Variants in DPYD observed in about 807,000 individuals in gnomAD.
DPYD encodes the protein dihydropyrimidine dehydrogenase [NADP(+)].
In DPYD, 109 loss-of-function variants were observed where a neutral mutation model predicts 116.2. That is an observed-to-expected ratio of 0.94 (90% CI 0.80 to 1.10). The LOEUF (loss-of-function observed/expected upper bound fraction) is 1.10. DPYD is among the 50% of genes least tolerant of loss of function. The pLI, the probability that DPYD is intolerant of heterozygous loss-of-function variation, is 0.00. For missense variants in DPYD, 1,302 were observed against 1,254.5 expected (o/e 1.04, Z -0.57); for synonymous variants, 440 against 432.0 (o/e 1.02, Z -0.23).
intron 2 of DPYD, among the ~76,000 whole-genome samples, chr1:97,878,159 T>C (rs1672016511): frequency 6.6e-6 from 1 of 151,936 alleles, no homozygotes; most frequent in Non-Finnish European, 1.5e-5. Flanking sequence ...TTCAGTACCA[T>C]GCTGAGCCAC....
At chr1:97,128,431 T>C (rs1653017582) in intron 20 of DPYD, among the ~76,000 whole-genome samples, 1 of 152,186 alleles carries the variant, frequency 6.6e-6, no homozygotes, top group South Asian at 2.1e-4. Context: ...TGAGTGTGGT[T>C]AGAGTTATCC....
chr1:97,381,858 A>G (rs1443255045), intron 15 of DPYD, among the ~76,000 whole-genome samples: 1 of 152,212 alleles, frequency 6.6e-6, no homozygotes, highest in African/African-American at 2.4e-5. Context: ...GCAGGATTCA[A>G]TTTATATTAT....
chr1:97,475,593 A>G (rs999509024), intron 13 of DPYD, among the ~76,000 whole-genome samples: 3 of 152,198 alleles, frequency 2.0e-5, no homozygotes, highest in Non-Finnish European at 4.4e-5. Flanking sequence ...TTTTATTTGT[A>G]AAGAGCCATT....
chr1:97,346,684 T>C (rs1233100781), intron 16 of DPYD, among the ~76,000 whole-genome samples: 2 of 151,862 alleles, frequency 1.3e-5, no homozygotes, highest in South Asian at 2.1e-4. Context: ...GTCTTACTAG[T>C]ATTTAGTTAA....
At chr1:97,410,468 A>G (rs1673921693) in intron 14 of DPYD, among the ~76,000 whole-genome samples, 2 of 152,224 alleles carry the variant, frequency 1.3e-5, no homozygotes, top group South Asian at 4.1e-4. Flanking sequence ...TGATAACTGA[A>G]AGAATAATGT....
intron 8 of DPYD, among the ~76,000 whole-genome samples, chr1:97,598,782 C>G (rs1473066964): frequency 2.6e-5 from 4 of 152,078 alleles, no homozygotes; most frequent in African/African-American, 9.7e-5. Context: ...TATGAGGCAA[C>G]TGATGTTATT....
intron 5 of DPYD, among the ~76,000 whole-genome samples, chr1:97,709,750 G>C (rs989740863): frequency 4.0e-5 from 6 of 151,690 alleles, no homozygotes; most frequent in Admixed American, 3.3e-4. Flanking sequence ...AAAAGACAAA[G>C]CATTGTAAAT....
chr1:97,220,146 A>G (rs1660687749), intron 19 of DPYD, among the ~76,000 whole-genome samples: 1 of 152,080 alleles, frequency 6.6e-6, no homozygotes, highest in Non-Finnish European at 1.5e-5. Flanking sequence ...GGTCTGTAAG[A>G]GGTGATTGGA....
intron 8 of DPYD, among the ~76,000 whole-genome samples, chr1:97,636,351 T>A (rs914625510): frequency 2.0e-5 from 3 of 152,050 alleles, no homozygotes; most frequent in African/African-American, 7.2e-5. Context: ...TTTCTCTAGG[T>A]CTCTATTTCT....
intron 13 of DPYD, among the ~76,000 whole-genome samples, chr1:97,470,680 T>C (rs1408782210): frequency 1.3e-5 from 2 of 152,176 alleles, no homozygotes; most frequent in Non-Finnish European, 2.9e-5. Context: ...GTGATACAGT[T>C]AGACCTACAA....
intron 7 of DPYD, among the ~76,000 whole-genome samples, chr1:97,689,664 T>A (rs975863172): frequency 6.6e-6 from 1 of 151,936 alleles, no homozygotes; most frequent in Admixed American, 6.6e-5. Flanking sequence ...ATATATTAGT[T>A]GAGAGAGACA....
chr1:97,594,588 AC>A (rs1259934858), intron 9 of DPYD, among the ~76,000 whole-genome samples: 2 of 152,186 alleles, frequency 1.3e-5, no homozygotes, highest in African/African-American at 2.4e-5. Context: ...AAACCAAGGT[AC>A]AACCTTCATT....
intron 12 of DPYD, among the ~76,000 whole-genome samples, chr1:97,543,638 AT>A (rs1287852065): frequency 6.6e-6 from 1 of 152,238 alleles, no homozygotes; most frequent in Admixed American, 6.5e-5. Flanking sequence ...CATTACAGAA[AT>A]TTTTTTAACA....
chr1:97,593,474 T>C (rs759170003), intron 9 of DPYD, 87 bp from the exon 10 acceptor site: 60 of 1,494,924 alleles, frequency 4.0e-5, no homozygotes, highest in Middle Eastern at 2.1e-4. Flanking sequence ...CAAAGCAGTG[T>C]AAAATTGCAT....
chr1:97,324,471 A>T (rs1570527359), intron 16 of DPYD, among the ~76,000 whole-genome samples: 2 of 152,174 alleles, frequency 1.3e-5, no homozygotes, highest in African/African-American at 4.8e-5. Flanking sequence ...CTTTTACGGC[A>T]GGTGTATGCC....
intron 11 of DPYD, among the ~76,000 whole-genome samples, chr1:97,562,459 T>G (rs1652217783): frequency 1.3e-5 from 2 of 152,186 alleles, no homozygotes; most frequent in African/African-American, 4.8e-5. Context: ...AGGTAAGTCT[T>G]GAAAACACTT....
chr1:97,773,867 A>G (rs977078891), intron 3 of DPYD, among the ~76,000 whole-genome samples: 1 of 152,124 alleles, frequency 6.6e-6, no homozygotes, highest in Non-Finnish European at 1.5e-5. Flanking sequence ...CCAAGCCCAC[A>G]TGTGATCTGA....
At chr1:97,726,522 T>C (rs1663272280) in intron 4 of DPYD, among the ~76,000 whole-genome samples, 1 of 151,610 alleles carries the variant, frequency 6.6e-6, no homozygotes, top group Non-Finnish European at 1.5e-5. Flanking sequence ...AAAGTCACTG[T>C]CAGTATTCTT....
At chr1:97,123,133 A>G (rs1652576119) in intron 20 of DPYD, among the ~76,000 whole-genome samples, 1 of 152,174 alleles carries the variant, frequency 6.6e-6, no homozygotes, top group Non-Finnish European at 1.5e-5. Flanking sequence ...CTCAGTTTTC[A>G]GCTGATGAAA....
Sources: gnomAD v4.1 joint callset for allele counts (sites outside exome capture counted in the v4.1 genomes callset) on GRCh38, gnomAD v4.1.1 for gene constraint, MANE v1.5 for transcripts, NCBI Gene and HGNC (gene_info 2026-07-23, HGNC 2026-07-21) for gene names.